PUDP: variants seen among roughly 807,000 people sequenced by gnomAD.
The protein encoded by PUDP is pseudouridine-5'-phosphatase.
A neutral mutation model predicts 9.4 loss-of-function variants in PUDP; 8 were observed. That is an observed-to-expected ratio of 0.85 (90% CI 0.50 to 1.53). PUDP has a LOEUF of 1.53. Ranked by LOEUF, PUDP falls within the 40% of genes most tolerant of loss-of-function variation. The pLI is 0.00. For synonymous variants in PUDP, 99 were observed against 80.7 expected, an observed-to-expected ratio of 1.23 and a Z score of -1.22; for missense variants, 188 against 189.7, an observed-to-expected ratio of 0.99 and a Z score of 0.05.
intron 1 of PUDP, among the ~76,000 whole-genome samples, chrX:7,024,489 A>G (rs1298878074): frequency 1.8e-5 from 2 of 110,521 alleles, no homozygotes; most frequent in Non-Finnish European, 3.8e-5. Flanking sequence ...TAGTTTGACA[A>G]TATTCAATAT....
chrX:7,009,134 A>G (rs774547384), intron 1 of PUDP, among the ~76,000 whole-genome samples: 4 of 112,824 alleles, frequency 3.5e-5, no homozygotes, highest in Non-Finnish European at 7.5e-5. Context: ...AATGGCCAAC[A>G]AATATCTACT....
chrX:6,932,026 T>C (rs756512877), intron 3 of PUDP, among the ~76,000 whole-genome samples: 1 of 112,451 alleles, frequency 8.9e-6, no homozygotes, highest in South Asian at 3.7e-4. Context: ...AAATATCTTA[T>C]GCAAGTAGCT....
intron 3 of PUDP, among the ~76,000 whole-genome samples, chrX:6,943,592 C>T (rs1425349459): frequency 8.9e-6 from 1 of 111,920 alleles, no homozygotes; most frequent in African/African-American, 3.2e-5. Context: ...ACCCTAAATA[C>T]AAGACATTTA....
chrX:6,994,885 C>T (rs1034996819), intron 1 of PUDP, among the ~76,000 whole-genome samples: 4 of 111,022 alleles, frequency 3.6e-5, no homozygotes, highest in Non-Finnish European at 7.5e-5. Context: ...GGGAAAAGTG[C>T]TAAGAGATGA....
At chrX:7,121,600 T>TG (rs1157854260) in intron 1 of PUDP, among the ~76,000 whole-genome samples, 1 of 110,979 alleles carries the variant, frequency 9.0e-6, no homozygotes, top group Non-Finnish European at 1.9e-5. Context: ...TGACAGAAGG[T>TG]GACAGCCTGT....
At chrX:6,836,102 CTAA>C (rs1416568388) in intron 3 of PUDP, among the ~76,000 whole-genome samples, 6 of 111,236 alleles carry the variant, frequency 5.4e-5, no homozygotes, top group Non-Finnish European at 1.9e-5. Context: ...GTTGTATGTT[CTAA>C]TAATACTATT....
intron 1 of PUDP, among the ~76,000 whole-genome samples, chrX:7,012,931 T>C (rs192403122): frequency 9.0e-6 from 1 of 110,617 alleles, no homozygotes; most frequent in East Asian, 2.9e-4. Flanking sequence ...AAATGTCTGA[T>C]GGTAGTGGGG....
intron 1 of PUDP, among the ~76,000 whole-genome samples, chrX:6,984,123 G>C (rs928365100): frequency 2.7e-5 from 3 of 112,158 alleles, no homozygotes; most frequent in Non-Finnish European, 5.6e-5. Flanking sequence ...TTTCACTGTC[G>C]TAATTTTCTC....
intron 3 of PUDP, among the ~76,000 whole-genome samples, chrX:6,837,147 T>C (rs1029926407): frequency 1.8e-5 from 2 of 112,538 alleles, no homozygotes; most frequent in Non-Finnish European, 3.8e-5. Flanking sequence ...CAGTAGTCTA[T>C]GAAACACAGA....
intron 3 of PUDP, among the ~76,000 whole-genome samples, chrX:6,809,237 TC>T (rs1450488400): frequency 9.0e-6 from 1 of 111,039 alleles, no homozygotes; most frequent in African/African-American, 3.3e-5. Context: ...CACAGGGGCA[TC>T]ACCTCACATT....
At chrX:6,930,967 A>G (rs1297923252) in intron 3 of PUDP, among the ~76,000 whole-genome samples, 1 of 111,487 alleles carries the variant, frequency 9.0e-6, no homozygotes, top group African/African-American at 3.3e-5. Context: ...AAAAAAAAAA[A>G]AAAGTTTGTT....
chrX:6,801,794 C>T (rs1203685902), intron 3 of PUDP, among the ~76,000 whole-genome samples: 2 of 111,928 alleles, frequency 1.8e-5, no homozygotes, highest in Non-Finnish European at 3.8e-5. Flanking sequence ...TCTGTGCACT[C>T]CTAGCTAAGG....
intron 3 of PUDP, among the ~76,000 whole-genome samples, chrX:6,732,095 A>G (rs1278053346): frequency 6.2e-5 from 7 of 112,010 alleles, no homozygotes; most frequent in Non-Finnish European, 1.3e-4. Context: ...TTATTTAAAA[A>G]TCACTTTCTC....
chrX:6,817,621 G>A (rs1417612025), intron 3 of PUDP, among the ~76,000 whole-genome samples: 2 of 111,400 alleles, frequency 1.8e-5, no homozygotes, highest in African/African-American at 3.3e-5. Flanking sequence ...AAGTGCAAAC[G>A]GATCCTCAAG....
At chrX:6,746,164 A>G (rs781336074) in intron 3 of PUDP, among the ~76,000 whole-genome samples, 40 of 112,369 alleles carry the variant, frequency 3.6e-4, no homozygotes, top group Non-Finnish European at 6.0e-4. Context: ...TGTTCTTCCT[A>G]TGCAACTCCA....
intron 3 of PUDP, among the ~76,000 whole-genome samples, chrX:6,817,076 G>A (rs1380243379): frequency 1.9e-5 from 2 of 103,251 alleles, no homozygotes; most frequent in African/African-American, 7.1e-5. Context: ...TACTATGTGT[G>A]TGTATATATA....
At chrX:7,044,579 A>G (rs1489133959), downstream of PUDP, among the ~76,000 whole-genome samples, 4 of 112,311 alleles carry the variant, frequency 3.6e-5, no homozygotes, top group African/African-American at 1.3e-4. Context: ...TAAGTGGATA[A>G]TCGAATTGTG....
intron 3 of PUDP, among the ~76,000 whole-genome samples, chrX:6,835,149 A>C (rs1482264426): frequency 1.8e-5 from 2 of 111,060 alleles, no homozygotes; most frequent in Non-Finnish European, 3.8e-5. Flanking sequence ...AAGATGAAGA[A>C]AGGCAGCCAG....
At chrX:6,821,373 G>A (rs769385988) in intron 3 of PUDP, among the ~76,000 whole-genome samples, 4 of 111,469 alleles carry the variant, frequency 3.6e-5, no homozygotes, top group African/African-American at 1.3e-4. Context: ...AGACTGCCCT[G>A]TTCCAAAGAG....
Sources: gnomAD v4.1 joint callset for allele counts (sites outside exome capture counted in the v4.1 genomes callset) on GRCh38, gnomAD v4.1.1 for gene constraint, MANE v1.5 for transcripts, NCBI Gene and HGNC (gene_info 2026-07-23, HGNC 2026-07-21) for gene names.